The following STXBP5 variants were observed in gnomAD, a reference collection of about 807,000 sequenced individuals.
STXBP5 encodes the protein syntaxin-binding protein 5.
A neutral mutation model predicts 152.4 loss-of-function variants in STXBP5; 50 were observed. That is an observed-to-expected ratio of 0.33 (90% CI 0.26 to 0.42). STXBP5 has a LOEUF of 0.42. STXBP5 is among the 10% of genes least tolerant of loss of function. The pLI is 1.00. For synonymous variants in STXBP5, 492 were observed against 494.7 expected (o/e 0.99, Z 0.07); for missense variants, 1,167 against 1,388.6 (o/e 0.84, Z 2.54).
intron 2 of STXBP5, among the ~76,000 whole-genome samples, chr6:147,221,063 T>G (rs1178553241): frequency 6.6e-6 from 1 of 152,088 alleles, no homozygotes; most frequent in Non-Finnish European, 1.5e-5. Context: ...ACTTCTTTTA[T>G]TTTTTTAAAT....
intron 9 of STXBP5, among the ~76,000 whole-genome samples, chr6:147,299,750 G>C (rs561506301): frequency 9.2e-5 from 14 of 152,040 alleles, no homozygotes; most frequent in African/African-American, 3.4e-4. Flanking sequence ...CAATCAAGTG[G>C]GATTCATCCT....
intron 2 of STXBP5, among the ~76,000 whole-genome samples, chr6:147,227,407 T>C (rs923387675): frequency 2.0e-5 from 3 of 152,154 alleles, no homozygotes; most frequent in Non-Finnish European, 4.4e-5. Context: ...TTTAACTGTT[T>C]CTGGTCATGT....
intron 17 of STXBP5, among the ~76,000 whole-genome samples, chr6:147,325,927 A>G (rs1414269417): frequency 2.6e-5 from 4 of 152,242 alleles, no homozygotes; most frequent in African/African-American, 9.6e-5. Context: ...TTTAAATACA[A>G]TATAAAAACT....
chr6:147,381,091 A>T (rs1786063865), intron 26 of STXBP5, among the ~76,000 whole-genome samples: 1 of 152,102 alleles, frequency 6.6e-6, no homozygotes, highest in Non-Finnish European at 1.5e-5. Flanking sequence ...ACTTACTCTC[A>T]TGAGAACAGC....
chr6:147,205,909 C>CT, intron 1 of STXBP5, 62 bp from the exon 2 acceptor site: 1 of 1,308,372 alleles, frequency 7.6e-7, no homozygotes, highest in South Asian at 1.2e-5. Flanking sequence ...CCTCTATTGA[C>CT]TTTCTATTTT....
chr6:147,207,769 T>C (rs1481093332), intron 2 of STXBP5, among the ~76,000 whole-genome samples: 1 of 152,208 alleles, frequency 6.6e-6, no homozygotes, highest in Admixed American at 6.5e-5. Context: ...TTTGCTTTTC[T>C]GTAAAATGAG....
In STXBP5 at chr6:147,249,860, G is replaced by A. The variant is rs188260979; in HGVS notation, c.431+10590G>A. 3.3e-4 allele frequency among the ~76,000 whole-genome samples: 50 copies of A among 152,274 alleles called. No homozygotes were observed. In the East Asian group the frequency reaches 9.1e-3, roughly 28 times the overall value. ...TAAGAGATTAACAGTGTACCCCACA[G>A]ATCTTTTCAAGAAACCAGAGCATCT... On this transcript the variant is annotated intron_variant, in intron 4 of 27. Coordinates refer to ENST00000321680, the MANE Select transcript of STXBP5 (RefSeq NM_001127715.4).
intron 25 of STXBP5, among the ~76,000 whole-genome samples, chr6:147,367,367 G>C (rs1174761558): frequency 6.6e-6 from 1 of 152,166 alleles, no homozygotes; most frequent in Non-Finnish European, 1.5e-5. Flanking sequence ...GGCCAGGCGT[G>C]GTGGCTCACG....
At chr6:147,236,917 G>A (rs1307220127) in intron 3 of STXBP5, among the ~76,000 whole-genome samples, 4 of 151,558 alleles carry the variant, frequency 2.6e-5, no homozygotes, top group Non-Finnish European at 4.4e-5. Flanking sequence ...TAGCTGGGAC[G>A]ACAGGTGCTT....
chr6:147,265,972 A>G (rs1196446796), intron 6 of STXBP5, among the ~76,000 whole-genome samples: 1 of 152,068 alleles, frequency 6.6e-6, no homozygotes, highest in Non-Finnish European at 1.5e-5. Context: ...TACATTTGGT[A>G]GGTCACAGAA....
At chr6:147,346,918 G>GC (rs1345007820) in intron 21 of STXBP5, among the ~76,000 whole-genome samples, 1 of 152,168 alleles carries the variant, frequency 6.6e-6, no homozygotes, top group African/African-American at 2.4e-5. Flanking sequence ...CATGAGGTGA[G>GC]CCCCACGTTT....
intron 2 of STXBP5, among the ~76,000 whole-genome samples, chr6:147,216,591 G>A (rs1291152958): frequency 6.6e-6 from 1 of 152,014 alleles, no homozygotes; most frequent in African/African-American, 2.4e-5. Flanking sequence ...GCATTATCCA[G>A]TAGCAGTAAA....
chr6:147,211,247 T>G (rs1252645019), intron 2 of STXBP5, among the ~76,000 whole-genome samples: 1 of 149,944 alleles, frequency 6.7e-6, no homozygotes, highest in Admixed American at 6.7e-5. Context: ...AGGCAGAGGT[T>G]GCAGTGAGCC....
intron 2 of STXBP5, among the ~76,000 whole-genome samples, chr6:147,234,768 T>G (rs1310754140): frequency 3.9e-5 from 6 of 151,972 alleles, no homozygotes; most frequent in Non-Finnish European, 7.4e-5. Flanking sequence ...ATTATATTTT[T>G]AGCGTTACTT....
chr6:147,363,425 G>T lies in STXBP5; in HGVS notation c.2636G>T (p.Arg879Ile), dbSNP rs944229378. 6.2e-7 allele frequency: 1 copy of T among 1,614,170 alleles called. No individual in the cohort carries two copies. ...ATACCACCTGCGTATGAACCCTGGA[G>T]AGAGCACAATGTTCCTGAAGAAAAA... ...CLIPPAYEPWREHNVPEEKDE... is the reference protein window; with the variant it reads ...CLIPPAYEPWIEHNVPEEKDE... The change falls in exon 24 of 28, where the codon AGA becomes ATA. Residue 879 changes from arginine (R) to isoleucine (I), a missense_variant. Physicochemically the swap from Arg to Ile is moderately conservative, Grantham distance 97. Around this residue, in one of 3 missense-constraint regions of STXBP5, gnomAD observed 833 missense variants for 986.3 expected, o/e 0.84. Transcript: ENST00000321680.
At chr6:147,337,192 G>GACACACACACACACACACAC (rs61074711) in intron 19 of STXBP5, among the ~76,000 whole-genome samples, 2,218 of 53,900 alleles carry the variant, frequency 0.041, 69 homozygotes, top group African/African-American at 0.096. Flanking sequence ...CACATACATA[G>GACACACACACACACACACAC]ACACACACAC....
intron 9 of STXBP5, among the ~76,000 whole-genome samples, chr6:147,298,849 T>C (rs1345080189): frequency 1.3e-5 from 2 of 151,998 alleles, no homozygotes; most frequent in Non-Finnish European, 2.9e-5. Context: ...GGAAAATTTG[T>C]AGCAATAAAT....
intron 2 of STXBP5, among the ~76,000 whole-genome samples, chr6:147,228,565 C>T (rs962859149): frequency 6.6e-6 from 1 of 151,882 alleles, no homozygotes; most frequent in African/African-American, 2.4e-5. Flanking sequence ...TTCTTTGATA[C>T]TTTCTCTTCT....
intron 2 of STXBP5, among the ~76,000 whole-genome samples, chr6:147,224,113 T>G (rs1442559373): frequency 6.6e-6 from 1 of 152,196 alleles, no homozygotes; most frequent in Admixed American, 6.5e-5. Flanking sequence ...TAATTATGGT[T>G]GAAAAGTCTA....
Sources: gnomAD v4.1 joint callset for allele counts (sites outside exome capture counted in the v4.1 genomes callset) on GRCh38, gnomAD v4.1.1 for gene constraint, gnomAD v4.1.1 regional missense constraint, MANE v1.5 for transcripts, NCBI Gene and HGNC (gene_info 2026-07-23, HGNC 2026-07-21) for gene names.